Variants in ZNF469 observed in about 807,000 individuals in gnomAD.
The protein encoded by ZNF469 is zinc finger protein 469.
Under a neutral mutation model 1.0 loss-of-function variants are expected in ZNF469, and 1 was observed. The observed-to-expected ratio is 1.00, with a 90% confidence interval of 0.35 to 4.73. The LOEUF (loss-of-function observed/expected upper bound fraction) is 4.73, where lower values mean the gene tolerates loss of function less well. Ranked by LOEUF, ZNF469 falls within the 30% of genes most tolerant of loss-of-function variation. ZNF469 has a pLI of 0.16. For synonymous variants in ZNF469, 2,703 were observed against 2,363.4 expected (o/e 1.14, Z -4.17); for missense variants, 6,100 against 5,356.3 (o/e 1.14, Z -4.33).
the ZNF469 span, among the ~76,000 whole-genome samples, chr16:88,373,083 T>C: frequency 3.3e-5 from 5 of 152,388 alleles, no homozygotes; most frequent in East Asian, 7.7e-4. Flanking sequence ...TACCAGGCAC[T>C]CTTTTAAGTA....
Position 88,430,701 on chromosome 16 carries a change from G to A in ZNF469, c.3231G>A (p.Ala1077=), listed in dbSNP as rs1047016589. The change falls in exon 3 of 3, where the codon GCG becomes GCA. Residue 1077 remains alanine, a synonymous_variant. Transcript: ENST00000565624. ...RRAGRCGSLA[A]GRPRPGAEDR... is the part of the protein sequence containing the mutation. ...CGGGCAGGTGCGGCTCCCTGGCGGCGGGGAGGCCCCGGCCCGGAGCTGAGG... is the reference window on the plus strand; with the variant it reads ...CGGGCAGGTGCGGCTCCCTGGCGGCAGGGAGGCCCCGGCCCGGAGCTGAGG... 6.7e-7 allele frequency: 1 copy of A among 1,482,296 alleles called. No homozygotes were observed. Among genetic ancestry groups the A allele is most frequent in the Non-Finnish European group, 8.9e-7 (1 of 1,125,582 alleles). 91.8% of individuals were successfully genotyped at this position (1,482,296 alleles called of 1,614,324 possible).
At chr16:88,128,419 A>G in the ZNF469 span, among the ~76,000 whole-genome samples, 1 of 152,086 alleles carries the variant, frequency 6.6e-6, no homozygotes, top group African/African-American at 2.4e-5. Context: ...CAACTGGTTG[A>G]ATTATTATTT....
chr16:88,171,538 G>C, the ZNF469 span, among the ~76,000 whole-genome samples: 142 of 152,322 alleles, frequency 9.3e-4, no homozygotes, highest in Non-Finnish European at 1.7e-3. Flanking sequence ...CTTGGCTTCA[G>C]ATACACACAC....
rs1422927439 is a variant in ZNF469, at chr16:88,429,614, A to G, written c.2144A>G (p.His715Arg). Residue 715 changes from histidine to arginine, a missense_variant, in exon 3 of 3, where the codon CAC (histidine) becomes CGC (arginine). Transcript: ENST00000565624. Reference sequence around the variant, plus strand: ...CGTGCGCCGCCTCCGTACCCCACACACCACTTCTCCCTCAGCAGCGCCAGC... The same window carrying G: ...CGTGCGCCGCCTCCGTACCCCACACGCCACTTCTCCCTCAGCAGCGCCAGC... ...FPRAPPPYPT[H>R]HFSLSSASLD... 1.8e-5 allele frequency: 28 copies of G among 1,546,816 alleles called. No homozygotes were observed. The highest frequency in any genetic ancestry group is 4.9e-5 in the East Asian group (2 of 40,846).
the ZNF469 span, among the ~76,000 whole-genome samples, chr16:88,153,391 A>G: frequency 6.6e-6 from 1 of 152,210 alleles, no homozygotes; most frequent in Admixed American, 6.5e-5. Flanking sequence ...GTCTCTTCCG[A>G]TGCTAACACC....
the ZNF469 span, among the ~76,000 whole-genome samples, chr16:88,229,609 G>GGATGTCA: frequency 4.8e-5 from 7 of 145,058 alleles, no homozygotes; most frequent in Admixed American, 2.0e-4. Flanking sequence ...TCACGCGTGT[G>GGATGTCA]TGCTGATGTC....
the ZNF469 span, among the ~76,000 whole-genome samples, chr16:88,110,543 G>A: frequency 6.6e-6 from 1 of 152,254 alleles, no homozygotes; most frequent in Non-Finnish European, 1.5e-5. Flanking sequence ...GGCGTGAGCA[G>A]CTTCCCCAGC....
chr16:88,328,732 G>A, the ZNF469 span, among the ~76,000 whole-genome samples: 1 of 152,216 alleles, frequency 6.6e-6, no homozygotes, highest in Non-Finnish European at 1.5e-5. Context: ...TGAGTGCAAT[G>A]GGAGAGGGTG....
chr16:88,395,512 A>G (rs1904634825), intron 1 of ZNF469, among the ~76,000 whole-genome samples: 1 of 152,172 alleles, frequency 6.6e-6, no homozygotes, highest in Admixed American at 6.6e-5. Flanking sequence ...AATATAAATT[A>G]TATAACTGAT....
chr16:88,336,602 C>T, the ZNF469 span, among the ~76,000 whole-genome samples: 2 of 152,174 alleles, frequency 1.3e-5, no homozygotes, highest in African/African-American at 4.8e-5. Flanking sequence ...CAACACCACA[C>T]ATGTTCATCC....
At chr16:88,266,993 C>A in the ZNF469 span, among the ~76,000 whole-genome samples, 22 of 152,380 alleles carry the variant, frequency 1.4e-4, no homozygotes, top group South Asian at 2.1e-4. Context: ...GGCCCTGGAG[C>A]AGCAGCCCCC....
At chr16:88,288,674 T>G in the ZNF469 span, among the ~76,000 whole-genome samples, 2 of 152,216 alleles carry the variant, frequency 1.3e-5, no homozygotes, top group Admixed American at 1.3e-4. Flanking sequence ...TACTGTCTCA[T>G]GTAACCCCTG....
At chr16:88,336,501 C>CT in the ZNF469 span, among the ~76,000 whole-genome samples, 6 of 150,600 alleles carry the variant, frequency 4.0e-5, no homozygotes, top group Non-Finnish European at 8.9e-5. Flanking sequence ...ACATGAGACA[C>CT]ATGCCAATAC....
the ZNF469 span, among the ~76,000 whole-genome samples, chr16:88,110,594 G>A: frequency 1.3e-5 from 2 of 152,252 alleles, no homozygotes; most frequent in African/African-American, 4.8e-5. Context: ...CTCTGCCTCA[G>A]TGTGAACTGT....
chr16:88,438,121 C>T lies in ZNF469; in HGVS notation c.10651C>T (p.Pro3551Ser), dbSNP rs779982960. The T allele has an allele frequency of 1.3e-6, 2 of 1,550,232 alleles. No homozygotes were observed. Among genetic ancestry groups the T allele is most frequent in the African/African-American group, 1.4e-5 (1 of 73,056 alleles). The change falls in exon 3 of 3, where the codon CCC (proline) becomes TCC (serine). Residue 3551 changes from proline (P) to serine (S), a missense_variant. Coordinates refer to ENST00000565624, the MANE Select transcript of ZNF469 (RefSeq NM_001367624.2). Reference sequence around the variant, plus strand: ...GCTGCCATCCAACCACCAGGAGTGTCCCCCGCCGTCTCTGTCTCCCTTCCC... The same window carrying T: ...GCTGCCATCCAACCACCAGGAGTGTTCCCCGCCGTCTCTGTCTCCCTTCCC... Reference protein sequence around the residue: ...CELPSNHQECPPPSLSPFPAA... With the variant: ...CELPSNHQECSPPSLSPFPAA...
At chr16:88,213,868 G>A in the ZNF469 span, among the ~76,000 whole-genome samples, 3 of 152,308 alleles carry the variant, frequency 2.0e-5, no homozygotes, top group Non-Finnish European at 4.4e-5. Context: ...AGAGGCTTAC[G>A]ATGAGAGCTC....
At chr16:88,233,134 T>C in the ZNF469 span, among the ~76,000 whole-genome samples, 1 of 152,220 alleles carries the variant, frequency 6.6e-6, no homozygotes, top group Admixed American at 6.5e-5. Flanking sequence ...TGTGGGGAAC[T>C]GAGGCCGTGT....
At chr16:88,380,503 A>G (rs1254041066), upstream of ZNF469, among the ~76,000 whole-genome samples, 1 of 113,100 alleles carries the variant, frequency 8.8e-6, no homozygotes, top group East Asian at 2.5e-4. Context: ...ACATGCACTC[A>G]CACAGACATG....
the ZNF469 span, among the ~76,000 whole-genome samples, chr16:88,242,857 C>T: frequency 5.3e-5 from 8 of 152,334 alleles, no homozygotes; most frequent in East Asian, 3.9e-4. Context: ...GCCTGGAGCA[C>T]GCATTCACCC....
Sources: allele counts gnomAD v4.1 joint callset (sites outside exome capture counted in the v4.1 genomes callset), GRCh38; gene constraint gnomAD v4.1.1; transcripts MANE v1.5; gene names NCBI Gene and HGNC (gene_info 2026-07-23, HGNC 2026-07-21).